The following COL12A1 variants were observed in gnomAD, a reference collection of about 807,000 sequenced individuals.
COL12A1 encodes collagen alpha-1(XII) chain.
COL12A1 carries 114 observed loss-of-function variants against 349.7 expected under a neutral mutation model. That is an observed-to-expected ratio of 0.33 (90% CI 0.28 to 0.38). COL12A1 has a LOEUF of 0.38. COL12A1 is among the 10% of genes least tolerant of loss of function. The pLI is 1.00. For synonymous variants in COL12A1, 1,369 were observed against 1,329.0 expected, an observed-to-expected ratio of 1.03 and a Z score of -0.66; for missense variants, 3,284 against 3,756.9, an observed-to-expected ratio of 0.87 and a Z score of 3.29.
intron 59 of COL12A1, among the ~76,000 whole-genome samples, chr6:75,095,646 AAAAAAG>A (rs1767984046): frequency 1.5e-5 from 2 of 136,548 alleles, no homozygotes; most frequent in African/African-American, 5.1e-5. Context: ...AAAAAAAAAA[AAAAAAG>A]ATAACATGAA....
chr6:75,121,401 A>G lies in COL12A1; in HGVS notation c.6987T>C (p.Asp2329=). The G allele has an allele frequency of 6.2e-7, 1 of 1,610,956 alleles. No homozygotes were observed. ...TATCGTCCCCAATGCTCCAGGAGGC[A>G]TCAGTCAAGAACACAATATCTGCCT... ...GAKADIVFLT[D]ASWSIGDDNF... Residue 2329 remains aspartate, a synonymous_variant, in exon 44 of 66, where the codon GAT becomes GAC. Transcript: ENST00000322507.
intron 13 of COL12A1, 72 bp from the exon 14 acceptor site, chr6:75,165,851 C>A: frequency 7.0e-7 from 1 of 1,432,548 alleles, no homozygotes; most frequent in South Asian, 1.3e-5. Context: ...ATTCATTGAT[C>A]CTGGTAGAGA....
At position 75,090,645 on chromosome 6, in the gene COL12A1, A is replaced by T. The variant is rs1767716255; in HGVS notation, c.8753-347T>A. Among the ~76,000 whole-genome samples, 1 of 152,188 alleles carries T rather than the reference A, an allele frequency of 6.6e-6. No homozygotes were observed. The highest frequency in any genetic ancestry group is 6.5e-5 in the Admixed American group (1 of 15,276). On this transcript the variant is annotated intron_variant, in intron 62 of 65. Transcript: ENST00000322507. This position sits in a 1 kb window ranked among gnomAD's most constrained non-coding sequence, Gnocchi z 4.1. Reference sequence around the variant, plus strand: ...CTTTTTTATAATTAGATAATTCTACAATTTTTTGTATATCTAAGGCAATGA... The same window carrying T: ...CTTTTTTATAATTAGATAATTCTACTATTTTTTGTATATCTAAGGCAATGA...
chr6:75,165,309 C>T (rs879035228), intron 14 of COL12A1, among the ~76,000 whole-genome samples, 198 bp downstream of exon 14: 2 of 151,848 alleles, frequency 1.3e-5, no homozygotes, highest in Non-Finnish European at 2.9e-5. Context: ...GAAAGAGATT[C>T]GATATTTCAA....
Position 75,189,280 on chromosome 6 carries a change from G to A in COL12A1, c.760C>T (p.Gln254Ter). The part of the protein sequence containing the change: ...VAIIITDGKS[Q>*]DEVEIPAREL... ...CTTGCTGGAATTTCCACTTCATCCT[G>A]GGATTTTCCATCCGTAATAATAATT... Residue 254 changes from glutamine to a stop codon, truncating the protein, a stop_gained, in exon 7 of 66, where the codon CAG becomes TAG. Coordinates refer to ENST00000322507, the MANE Select transcript of COL12A1 (RefSeq NM_004370.6). LOFTEE classifies it high-confidence loss of function. 6.2e-7 allele frequency: 1 copy of A among 1,612,992 alleles called. No homozygotes were observed. The highest frequency in any genetic ancestry group is 8.5e-7 in the Non-Finnish European group (1 of 1,179,426).
chr6:75,112,258 T>A (rs944075427), intron 51 of COL12A1, among the ~76,000 whole-genome samples: 1 of 151,796 alleles, frequency 6.6e-6, no homozygotes, highest in Non-Finnish European at 1.5e-5. Context: ...AAATAACTAA[T>A]GGATACTAGG....
chr6:75,121,063 C>T (rs185134775), intron 44 of COL12A1, among the ~76,000 whole-genome samples: 1 of 151,988 alleles, frequency 6.6e-6, no homozygotes, highest in African/African-American at 2.4e-5. Context: ...CTTAGAATCC[C>T]CTAAGTTCTC....
At chr6:75,126,573 A>T in intron 38 of COL12A1, 103 bp from the exon 39 acceptor site, 1 of 1,207,682 alleles carries the variant, frequency 8.3e-7, no homozygotes, top group Non-Finnish European at 1.1e-6. Context: ...GAGCAATTTC[A>T]TAATATCCCA....
At chr6:75,136,276 G>A (rs1766603124) in intron 31 of COL12A1, among the ~76,000 whole-genome samples, 1 of 152,144 alleles carries the variant, frequency 6.6e-6, no homozygotes, top group Non-Finnish European at 1.5e-5. Context: ...TCATATAAAT[G>A]TCTATTGATT....
chr6:75,145,760 T>A (rs1049148412), intron 24 of COL12A1, among the ~76,000 whole-genome samples: 1 of 151,952 alleles, frequency 6.6e-6, no homozygotes, highest in African/African-American at 2.4e-5. Flanking sequence ...GCCTCCTGAG[T>A]GGCTGGGACT....
chr6:75,115,336 C>T (rs769018932), intron 49 of COL12A1, among the ~76,000 whole-genome samples: 1 of 151,990 alleles, frequency 6.6e-6, no homozygotes, highest in Non-Finnish European at 1.5e-5. Flanking sequence ...AGAGCATCAG[C>T]CAATAAAAAC....
chr6:75,108,762 T>G (rs1768687662), intron 52 of COL12A1, among the ~76,000 whole-genome samples: 1 of 152,208 alleles, frequency 6.6e-6, no homozygotes, highest in Non-Finnish European at 1.5e-5. Flanking sequence ...TGATCCTGTT[T>G]CAAAATGACT....
At chr6:75,108,599 TG>T (rs1241512161) in intron 52 of COL12A1, among the ~76,000 whole-genome samples, 2 of 152,216 alleles carry the variant, frequency 1.3e-5, no homozygotes, top group Non-Finnish European at 2.9e-5. Context: ...TGAGCAAATG[TG>T]GGCTCTGGTG....
In COL12A1 at chr6:75,152,433, A is replaced by G; in HGVS notation, c.3615T>C (p.Asp1205=). Reference sequence around the variant, plus strand: ...TTGCCCGGCCGATGCTCCATGATCCATCCACCAGCAACACAATGTCTGCCT... The same window carrying G: ...TTGCCCGGCCGATGCTCCATGATCCGTCCACCAGCAACACAATGTCTGCCT... ...RAEADIVLLV[D]GSWSIGRANF... The change falls in exon 18 of 66, where the codon GAT becomes GAC. Residue 1205 remains aspartate (D), a synonymous_variant. Coordinates refer to ENST00000322507, the MANE Select transcript of COL12A1 (RefSeq NM_004370.6). 1 of 1,613,582 alleles carries G rather than the reference A, an allele frequency of 6.2e-7. No homozygotes were observed.
chr6:75,099,472 ATAAT>A (rs1238999070), intron 58 of COL12A1, among the ~76,000 whole-genome samples: 11 of 152,350 alleles, frequency 7.2e-5, no homozygotes, highest in Non-Finnish European at 1.2e-4. Flanking sequence ...GTATTTCTAA[ATAAT>A]TAATCCTCCT....
chr6:75,171,319 A>G (rs1423075360), intron 13 of COL12A1, among the ~76,000 whole-genome samples: 1 of 152,220 alleles, frequency 6.6e-6, no homozygotes, highest in Non-Finnish European at 1.5e-5. Flanking sequence ...TATTGCATAC[A>G]GTACTACAGC....
intron 13 of COL12A1, among the ~76,000 whole-genome samples, chr6:75,167,425 T>A (rs1376789782): frequency 1.3e-5 from 2 of 152,186 alleles, no homozygotes; most frequent in Non-Finnish European, 2.9e-5. Context: ...TGAATTTAAA[T>A]GAGCTGCATT....
rs2149415217 is a variant in COL12A1 at position 75,151,171 on chromosome 6, T to C, written c.4117A>G (p.Ile1373Val). ...SLSRIVDDLT[I>V]NLCNSVKGPG... ...CCTTTGACACTGTTACACAAATTAA[T>C]GGTGAGATCATCCACTATCCTGGAG... The change falls in exon 21 of 66, where the codon ATT (isoleucine) becomes GTT (valine). Residue 1373 changes from isoleucine (I) to valine (V), a missense_variant. This residue lies in a region of COL12A1 where 2,601 missense variants were observed against 2,824.8 expected (regional missense o/e 0.92). Transcript: ENST00000322507. 3.1e-6 allele frequency: 5 copies of C among 1,605,148 alleles called. No individual in the cohort carries two copies. Among genetic ancestry groups the C allele is most frequent in the Non-Finnish European group, 4.3e-6 (5 of 1,175,732 alleles).
intron 14 of COL12A1, among the ~76,000 whole-genome samples, chr6:75,162,914 A>T (rs144655443): frequency 2.9e-3 from 448 of 152,278 alleles, no homozygotes; most frequent in Middle Eastern, 0.027. Context: ...TGAAAAAAAG[A>T]TCATCATCAC....
Sources: allele counts gnomAD v4.1 joint callset (sites outside exome capture counted in the v4.1 genomes callset), GRCh38; gene constraint gnomAD v4.1.1; regional missense constraint gnomAD v4.1.1; non-coding constraint Gnocchi (gnomAD v3.1); transcripts MANE v1.5; gene names NCBI Gene and HGNC (gene_info 2026-07-23, HGNC 2026-07-21).